CSMD1: variants seen among roughly 807,000 people sequenced by gnomAD.
The protein encoded by CSMD1 is CUB and sushi domain-containing protein 1.
In CSMD1, 213 loss-of-function variants were observed where a neutral mutation model predicts 417.5. The observed-to-expected ratio is 0.51, with a 90% CI of 0.46 to 0.57. The LOEUF (loss-of-function observed/expected upper bound fraction) is 0.57, where lower values mean the gene tolerates loss of function less well. Ranked by LOEUF, CSMD1 falls within the 20% of genes least tolerant of loss-of-function variation. CSMD1 has a pLI of 0.00. For missense variants in CSMD1, 6,923 were observed against 4,529.7 expected (o/e 1.53, Z -15.17); for synonymous variants, 2,862 against 1,736.8 (o/e 1.65, Z -16.11).
At chr8:4,276,215 C>G (rs1250785742) in intron 3 of CSMD1, among the ~76,000 whole-genome samples, 2 of 152,126 alleles carry the variant, frequency 1.3e-5, no homozygotes, top group Admixed American at 1.3e-4. Flanking sequence ...AGACCTGGAA[C>G]TAACGCAAAT....
chr8:3,569,991 A>G (rs1350429463), intron 10 of CSMD1, among the ~76,000 whole-genome samples: 1 of 152,228 alleles, frequency 6.6e-6, no homozygotes, highest in Non-Finnish European at 1.5e-5. Context: ...CACAATCAAG[A>G]AAATATATAC....
chr8:3,435,575 T>A (rs1814506962), intron 12 of CSMD1, among the ~76,000 whole-genome samples: 1 of 152,096 alleles, frequency 6.6e-6, no homozygotes, highest in Non-Finnish European at 1.5e-5. Context: ...GCACATCTCG[T>A]CATGTCTGTC....
At chr8:4,897,899 G>C (rs1277242529) in intron 1 of CSMD1, among the ~76,000 whole-genome samples, 2 of 152,066 alleles carry the variant, frequency 1.3e-5, no homozygotes, top group Non-Finnish European at 2.9e-5. Context: ...ACCAGAGCAA[G>C]GCGTGGCTTT....
chr8:3,136,545 A>G (rs971512804), intron 41 of CSMD1, among the ~76,000 whole-genome samples: 6 of 152,128 alleles, frequency 3.9e-5, no homozygotes, highest in Middle Eastern at 3.2e-3. Context: ...GATTACAGAC[A>G]TGAGCCACCG....
At chr8:4,045,758 C>A (rs532663996) in intron 3 of CSMD1, among the ~76,000 whole-genome samples, 8 of 152,256 alleles carry the variant, frequency 5.3e-5, no homozygotes, top group Admixed American at 2.6e-4. Context: ...CTGTGAAACA[C>A]AAAGACTAAA....
intron 1 of CSMD1, among the ~76,000 whole-genome samples, chr8:4,866,516 C>T (rs564942213): frequency 1.3e-5 from 2 of 151,746 alleles, no homozygotes; most frequent in Non-Finnish European, 1.5e-5. Context: ...TTTTAATCCC[C>T]ACAACATAAG....
At chr8:2,967,146 C>T (rs557067042) in intron 57 of CSMD1, among the ~76,000 whole-genome samples, 91 of 152,328 alleles carry the variant, frequency 6.0e-4, no homozygotes, top group African/African-American at 2.0e-3. Context: ...ATTAGCAACA[C>T]TGAAGCATCT....
chr8:4,068,140 G>A (rs1799353413), intron 3 of CSMD1, among the ~76,000 whole-genome samples: 2 of 152,154 alleles, frequency 1.3e-5, no homozygotes, highest in Admixed American at 6.5e-5. Flanking sequence ...GAGCCACACA[G>A]AAGGGTCTAT....
intron 3 of CSMD1, among the ~76,000 whole-genome samples, chr8:4,318,765 A>G (rs963551755): frequency 6.6e-6 from 1 of 151,682 alleles, no homozygotes; most frequent in Non-Finnish European, 1.5e-5. Flanking sequence ...CAACCAATAG[A>G]TACCATATAT....
intron 3 of CSMD1, among the ~76,000 whole-genome samples, chr8:4,363,532 C>G (rs1389291383): frequency 1.3e-5 from 2 of 152,132 alleles, no homozygotes; most frequent in African/African-American, 4.8e-5. Context: ...GAAAGAAGAG[C>G]AATAACTCCC....
At chr8:4,534,545 G>C (rs1797002996) in intron 2 of CSMD1, among the ~76,000 whole-genome samples, 1 of 152,134 alleles carries the variant, frequency 6.6e-6, no homozygotes, top group African/African-American at 2.4e-5. Context: ...CAGGTGGTAA[G>C]CATAGTACCC....
At chr8:3,893,914 G>T (rs1457308047) in intron 5 of CSMD1, among the ~76,000 whole-genome samples, 1 of 152,030 alleles carries the variant, frequency 6.6e-6, no homozygotes, top group African/African-American at 2.4e-5. Context: ...CAATTCATGA[G>T]CAAGCATGTA....
chr8:4,568,271 AT>A (rs1399598964), intron 2 of CSMD1, among the ~76,000 whole-genome samples: 1 of 151,948 alleles, frequency 6.6e-6, no homozygotes, highest in East Asian at 1.9e-4. Flanking sequence ...ATGCTATGCT[AT>A]CCCTCCCCTT....
chr8:3,978,301 A>G (rs968701484), intron 5 of CSMD1, among the ~76,000 whole-genome samples: 1 of 152,120 alleles, frequency 6.6e-6, no homozygotes, highest in Non-Finnish European at 1.5e-5. Flanking sequence ...CACAAACCCC[A>G]CAAAAACAAC....
intron 2 of CSMD1, among the ~76,000 whole-genome samples, chr8:4,588,496 T>G (rs1320494715): frequency 6.6e-6 from 1 of 151,788 alleles, no homozygotes; most frequent in Non-Finnish European, 1.5e-5. Context: ...TCTTTCCTGT[T>G]TAAGAAACTC....
chr8:4,824,189 A>G lies in CSMD1; in HGVS notation c.85+170143T>C, dbSNP rs1585162823. Among the ~76,000 whole-genome samples, 7 of 152,054 alleles carry G rather than the reference A, an allele frequency of 4.6e-5. No homozygotes were observed. The South Asian group carries it at 1.4e-3, about 31-fold the overall frequency. On this transcript the variant is annotated intron_variant, in intron 1 of 69. Coordinates refer to ENST00000635120, the MANE Select transcript of CSMD1 (RefSeq NM_033225.6). ...TATATATTTTTGGACAAAGTAGTTT[A>G]ATTCATTCTCTACCTATAACATGTA...
At chr8:3,130,595 A>G (rs1431215163) in intron 41 of CSMD1, among the ~76,000 whole-genome samples, 1 of 151,834 alleles carries the variant, frequency 6.6e-6, no homozygotes, top group Non-Finnish European at 1.5e-5. Flanking sequence ...AAGCCCTCTG[A>G]CCTTCCGCTC....
rs907651054 is a variant in CSMD1 at position 2,937,266 on chromosome 8, C to G, written c.*1319G>C. Reference sequence around the variant, plus strand: ...GAATCATAAAGCATGAAACAAATAACAAATGAATGTATAAAATATATCATT... The same window carrying G: ...GAATCATAAAGCATGAAACAAATAAGAAATGAATGTATAAAATATATCATT... On this transcript the variant is annotated 3_prime_UTR_variant, in exon 70 of 70. Coordinates refer to ENST00000635120, the MANE Select transcript of CSMD1 (RefSeq NM_033225.6). The G allele has an allele frequency of 6.6e-6, 1 of 151,928 alleles. No individual in the cohort carries two copies. Among genetic ancestry groups the G allele is most frequent in the Non-Finnish European group, 1.5e-5 (1 of 67,978 alleles). 9.4% of individuals were successfully genotyped at this position (151,928 alleles called of 1,614,324 possible). A position where few individuals can be genotyped will look rare whatever the true frequency, so the allele number is the denominator to read the frequency against.
intron 26 of CSMD1, among the ~76,000 whole-genome samples, chr8:3,274,151 G>C (rs1315038803): frequency 1.4e-4 from 21 of 151,886 alleles, no homozygotes; most frequent in Non-Finnish European, 2.2e-4. Context: ...TGGTTTCAAA[G>C]AACATCTTTA....
Sources: allele counts gnomAD v4.1 joint callset (sites outside exome capture counted in the v4.1 genomes callset), GRCh38; gene constraint gnomAD v4.1.1; transcripts MANE v1.5; gene names NCBI Gene and HGNC (gene_info 2026-07-23, HGNC 2026-07-21).